The following ARHGAP15 variants were observed in gnomAD, a reference collection of about 807,000 sequenced individuals.
ARHGAP15 encodes the protein Rho GTPase activating protein 15.
A neutral mutation model predicts 63.7 loss-of-function variants in ARHGAP15; 51 were observed. The observed-to-expected ratio is 0.80, with a 90% CI of 0.64 to 1.01. The LOEUF (loss-of-function observed/expected upper bound fraction) is 1.01, where lower values mean the gene tolerates loss of function less well. ARHGAP15 is among the 50% of genes least tolerant of loss of function. The probability of loss-of-function intolerance (pLI) is 0.00; values close to 1 mark genes in which losing one functional copy is unlikely to be tolerated. For missense variants in ARHGAP15, 560 were observed against 564.6 expected, an observed-to-expected ratio of 0.99 and a Z score of 0.08; for synonymous variants, 191 against 193.8, an observed-to-expected ratio of 0.99 and a Z score of 0.12.
chr2:143,153,420 A>G (rs1689914377), intron 1 of ARHGAP15, among the ~76,000 whole-genome samples: 2 of 152,014 alleles, frequency 1.3e-5, no homozygotes, highest in Non-Finnish European at 2.9e-5. Flanking sequence ...TCTCAATTAG[A>G]TAATTTTGAA....
rs7565585 is a variant in ARHGAP15 at position 143,346,230 on chromosome 2, T to A, written c.475-89371T>A. 1.3e-3 allele frequency among the ~76,000 whole-genome samples: 56 copies of A among 42,076 alleles called. 1 individual carries two copies. The highest frequency in any genetic ancestry group is 5.1e-3 in the African/African-American group (40 of 7,840). 27.6% of individuals were successfully genotyped at this position (42,076 alleles called of 152,430 possible). A position where few individuals can be genotyped will look rare whatever the true frequency, so the allele number is the denominator to read the frequency against. On this transcript the variant is annotated intron_variant, in intron 6 of 13. Coordinates refer to ENST00000295095, the MANE Select transcript of ARHGAP15 (RefSeq NM_018460.4). Reference sequence around the variant, plus strand: ...CACACACACTCTCTCTCACACACACTCTCTCTCACACACACACACTCACAC... The same window carrying A: ...CACACACACTCTCTCTCACACACACACTCTCTCACACACACACACTCACAC...
chr2:143,274,159 A>C (rs1681431064), intron 6 of ARHGAP15, among the ~76,000 whole-genome samples: 1 of 152,222 alleles, frequency 6.6e-6, no homozygotes, highest in Non-Finnish European at 1.5e-5. Context: ...TAAATATATT[A>C]GATAACAACT....
chr2:143,397,982 C>T (rs1410229407), intron 6 of ARHGAP15, among the ~76,000 whole-genome samples: 4 of 152,084 alleles, frequency 2.6e-5, no homozygotes, highest in African/African-American at 7.2e-5. Flanking sequence ...ATTAACTCCT[C>T]TCTGCCTTGA....
At chr2:143,390,625 C>T (rs908350554) in intron 6 of ARHGAP15, among the ~76,000 whole-genome samples, 2 of 152,026 alleles carry the variant, frequency 1.3e-5, no homozygotes, top group African/African-American at 4.8e-5. Flanking sequence ...TTCCTTTTCT[C>T]CCTCTTTAGC....
chr2:143,263,834 C>T (rs1192481839), intron 6 of ARHGAP15, among the ~76,000 whole-genome samples: 1 of 147,380 alleles, frequency 6.8e-6, no homozygotes, highest in Non-Finnish European at 1.5e-5. Flanking sequence ...GCTTGCCTCT[C>T]TGTCCTGTGG....
intron 1 of ARHGAP15, among the ~76,000 whole-genome samples, chr2:143,142,086 G>GT (rs757225134): frequency 1.3e-3 from 195 of 151,406 alleles, no homozygotes; most frequent in Middle Eastern, 3.4e-3. Context: ...ATACTTTTCT[G>GT]TTTTTTTTTA....
chr2:143,353,335 C>T (rs1188896195), intron 6 of ARHGAP15, among the ~76,000 whole-genome samples: 1 of 152,050 alleles, frequency 6.6e-6, no homozygotes, highest in Non-Finnish European at 1.5e-5. Context: ...GTAAGGACAA[C>T]CAAGATTAGT....
chr2:143,530,438 T>A (rs538086296), intron 10 of ARHGAP15, among the ~76,000 whole-genome samples: 4 of 152,174 alleles, frequency 2.6e-5, no homozygotes, highest in African/African-American at 9.6e-5. Flanking sequence ...TAATGTTAAA[T>A]TGTTTCATAA....
intron 6 of ARHGAP15, among the ~76,000 whole-genome samples, chr2:143,280,675 C>A (rs1454240663): frequency 2.0e-5 from 3 of 152,058 alleles, no homozygotes; most frequent in Non-Finnish European, 2.9e-5. Context: ...GTCTATGGTG[C>A]CTTCTTGTGA....
chr2:143,209,006 G>C (rs574040313), intron 3 of ARHGAP15, among the ~76,000 whole-genome samples: 1 of 152,186 alleles, frequency 6.6e-6, no homozygotes, highest in East Asian at 1.9e-4. Context: ...TAAACCTTAA[G>C]TCACAGATTC....
chr2:143,307,121 A>C (rs1470021158), intron 6 of ARHGAP15, among the ~76,000 whole-genome samples: 1 of 152,156 alleles, frequency 6.6e-6, no homozygotes, highest in Non-Finnish European at 1.5e-5. Context: ...CAAGGCCAGC[A>C]GGAGAATATT....
chr2:143,513,488 T>A (rs12328718), intron 9 of ARHGAP15, among the ~76,000 whole-genome samples: 3 of 152,132 alleles, frequency 2.0e-5, no homozygotes, highest in Non-Finnish European at 4.4e-5. Flanking sequence ...GTTCTTAAAA[T>A]AGGAGTCTAT....
intron 6 of ARHGAP15, among the ~76,000 whole-genome samples, chr2:143,262,766 T>A (rs1680793047): frequency 6.6e-6 from 1 of 152,082 alleles, no homozygotes; most frequent in Non-Finnish European, 1.5e-5. Context: ...CTTGTACACA[T>A]CATGAGTATC....
chr2:143,589,790 G>C (rs541209621), intron 11 of ARHGAP15, among the ~76,000 whole-genome samples: 28 of 152,218 alleles, frequency 1.8e-4, no homozygotes, highest in African/African-American at 5.5e-4. Flanking sequence ...AAAAACAGAA[G>C]CACTAAAGCT....
chr2:143,681,444 G>A (rs539251848), intron 12 of ARHGAP15, among the ~76,000 whole-genome samples: 3 of 152,142 alleles, frequency 2.0e-5, no homozygotes, highest in Admixed American at 1.3e-4. Context: ...AGATGCAGAC[G>A]GGCAAATTTC....
chr2:143,668,202 A>C (rs1682330620), intron 12 of ARHGAP15, among the ~76,000 whole-genome samples: 1 of 151,802 alleles, frequency 6.6e-6, no homozygotes, highest in African/African-American at 2.4e-5. Flanking sequence ...ATTCAGATTT[A>C]TCTGGATCTT....
intron 10 of ARHGAP15, among the ~76,000 whole-genome samples, chr2:143,522,553 C>A (rs140035107): frequency 1.3e-5 from 2 of 152,240 alleles, no homozygotes; most frequent in African/African-American, 4.8e-5. Context: ...ATGAGATCAT[C>A]TGACACTATT....
intron 1 of ARHGAP15, among the ~76,000 whole-genome samples, chr2:143,133,977 C>T (rs550066587): frequency 6.6e-6 from 1 of 152,220 alleles, no homozygotes; most frequent in South Asian, 2.1e-4. Flanking sequence ...CTCTTTTTTA[C>T]AGCTGTATAC....
chr2:143,464,758 A>T (rs1356145613), intron 8 of ARHGAP15, among the ~76,000 whole-genome samples: 1 of 152,020 alleles, frequency 6.6e-6, no homozygotes, highest in Non-Finnish European at 1.5e-5. Flanking sequence ...TACCCTCATA[A>T]TTTTTTTGTT....
Sources: gnomAD v4.1 joint callset for allele counts (sites outside exome capture counted in the v4.1 genomes callset) on GRCh38, gnomAD v4.1.1 for gene constraint, MANE v1.5 for transcripts, NCBI Gene and HGNC (gene_info 2026-07-23, HGNC 2026-07-21) for gene names.